Variants in PAG1 observed in about 807,000 individuals in gnomAD.
PAG1 encodes phosphoprotein membrane anchor with glycosphingolipid microdomains 1.
PAG1 carries 23 observed loss-of-function variants against 31.7 expected under a neutral mutation model. The ratio of observed to expected loss-of-function variants is 0.73; its 90% CI spans 0.52 to 1.03. PAG1 has a LOEUF of 1.03. Among genes scored for constraint, PAG1 ranks in the 50% least tolerant of loss-of-function variants. The probability of loss-of-function intolerance (pLI) is 0.00; values close to 1 mark genes in which losing one functional copy is unlikely to be tolerated. For synonymous variants in PAG1, 214 were observed against 210.3 expected, an observed-to-expected ratio of 1.02 and a Z score of -0.15; for missense variants, 473 against 540.7, an observed-to-expected ratio of 0.87 and a Z score of 1.24.
chr8:81,111,652 T>G lies in PAG1; in HGVS notation c.-295A>C, dbSNP rs1327825621. ...GCGCTCGGAGGCAGCCTCTGCAAAC[T>G]CCGGCGCGCAGCGCCGCCGCCCCGG... On this transcript the variant is annotated 5_prime_UTR_variant, in exon 1 of 9. Coordinates refer to ENST00000220597, the MANE Select transcript of PAG1 (RefSeq NM_018440.4). 4 of 151,766 alleles carry G rather than the reference T, an allele frequency of 2.6e-5. No homozygotes were observed. The highest frequency in any genetic ancestry group is 2.6e-4 in the Admixed American group (4 of 15,248). 9.4% of individuals were successfully genotyped at this position (151,766 alleles called of 1,614,324 possible). A position where few individuals can be genotyped will look rare whatever the true frequency, so the allele number is the denominator to read the frequency against.
intron 3 of PAG1, among the ~76,000 whole-genome samples, chr8:80,997,786 C>T (rs1807709953): frequency 6.6e-6 from 1 of 152,140 alleles, no homozygotes; most frequent in Non-Finnish European, 1.5e-5. Context: ...ATAAAATAGG[C>T]TTCATTATTG....
chr8:81,076,734 G>A (rs1809184510), intron 1 of PAG1, among the ~76,000 whole-genome samples: 1 of 152,124 alleles, frequency 6.6e-6, no homozygotes, highest in Non-Finnish European at 1.5e-5. Context: ...CCCATGCTAA[G>A]TACATACTTT....
rs1807100155 is a variant in PAG1 at position 80,972,614 on chromosome 8, T to C, written c.*3930A>G. 6.6e-6 allele frequency: 1 copy of C among 152,182 alleles called. No individual in the cohort carries two copies. Among genetic ancestry groups the C allele is most frequent in the African/African-American group, 2.4e-5 (1 of 41,438 alleles). 9.4% of individuals were successfully genotyped at this position (152,182 alleles called of 1,614,324 possible). A position where few individuals can be genotyped will look rare whatever the true frequency, so the allele number is the denominator to read the frequency against. ...TGCTTTGGGCCAAATCTCTTATCTC[T>C]TTACATTTCCTCCTCTCAGGCTGAG... On this transcript the variant is annotated 3_prime_UTR_variant, in exon 9 of 9. Coordinates refer to ENST00000220597, the MANE Select transcript of PAG1 (RefSeq NM_018440.4).
chr8:81,093,549 AC>A (rs1809480800), intron 1 of PAG1, among the ~76,000 whole-genome samples: 1 of 152,014 alleles, frequency 6.6e-6, no homozygotes, highest in African/African-American at 2.4e-5. Flanking sequence ...TTTCACTTAG[AC>A]ACAAATGTAG....
intron 3 of PAG1, among the ~76,000 whole-genome samples, chr8:81,027,676 C>A (rs933343065): frequency 5.3e-5 from 8 of 152,034 alleles, no homozygotes; most frequent in Admixed American, 1.3e-4. Flanking sequence ...GAGGCCGAGG[C>A]AGGCGGATCA....
chr8:81,098,396 T>A (rs1427308375), intron 1 of PAG1, among the ~76,000 whole-genome samples: 1 of 152,218 alleles, frequency 6.6e-6, no homozygotes, highest in Non-Finnish European at 1.5e-5. Flanking sequence ...CATGTCTTTA[T>A]CTTTCTTGAA....
chr8:81,071,273 A>G (rs760101024), intron 1 of PAG1, among the ~76,000 whole-genome samples: 4 of 152,196 alleles, frequency 2.6e-5, no homozygotes, highest in Non-Finnish European at 4.4e-5. Context: ...CCGCCTGAAT[A>G]TGAGTACCAA....
intron 2 of PAG1, among the ~76,000 whole-genome samples, chr8:81,032,868 G>A (rs7007923): frequency 0.64 from 96,565 of 152,046 alleles, 31,643 homozygotes; most frequent in Non-Finnish European, 0.72. Flanking sequence ...TATCCATACA[G>A]AAGAATAGTA....
At chr8:80,997,473 T>C (rs780121079) in intron 3 of PAG1, among the ~76,000 whole-genome samples, 1 of 152,192 alleles carries the variant, frequency 6.6e-6, no homozygotes, top group Non-Finnish European at 1.5e-5. Context: ...GGTCTTGCTA[T>C]GTTGCCAGGC....
chr8:81,069,940 A>G (rs1301030497), intron 2 of PAG1, among the ~76,000 whole-genome samples, 172 bp downstream of exon 2: 1 of 152,236 alleles, frequency 6.6e-6, no homozygotes, highest in Non-Finnish European at 1.5e-5. Flanking sequence ...CTAAATTCAA[A>G]TCAGACAAGC....
chr8:81,068,610 T>C (rs989915723), intron 2 of PAG1, among the ~76,000 whole-genome samples: 8 of 152,218 alleles, frequency 5.3e-5, no homozygotes, highest in African/African-American at 1.9e-4. Context: ...CTATCTTCTT[T>C]AGTGTCAGAG....
rs1427007508 is a variant in PAG1 at position 81,017,081 on chromosome 8, GC to G, written c.-81+12914del. ...CAAGACGAGAGGATTGCCCAGCTGA[GC>G]CCAGCCTAAACTATCAATCACAGAA... On this transcript the variant is annotated intron_variant, in intron 3 of 8. Coordinates refer to ENST00000220597, the MANE Select transcript of PAG1 (RefSeq NM_018440.4). 2.0e-5 allele frequency among the ~76,000 whole-genome samples: 3 copies of G among 152,114 alleles called. No individual in the cohort carries two copies. The South Asian group carries it at 6.2e-4, about 32-fold the overall frequency.
chr8:81,022,619 A>G (rs1808209632), intron 3 of PAG1, among the ~76,000 whole-genome samples: 1 of 152,218 alleles, frequency 6.6e-6, no homozygotes. Flanking sequence ...ATGCCCATAT[A>G]TTATTGGGAA....
intron 2 of PAG1, among the ~76,000 whole-genome samples, chr8:81,064,541 TA>T (rs1043892633): frequency 3.5e-4 from 53 of 152,220 alleles, no homozygotes; most frequent in African/African-American, 1.2e-3. Context: ...TGGAAGAATG[TA>T]AAAAAAGACC....
At chr8:80,998,338 C>T (rs2130562996) in intron 3 of PAG1, among the ~76,000 whole-genome samples, 1 of 152,118 alleles carries the variant, frequency 6.6e-6, no homozygotes, top group African/African-American at 2.4e-5. Flanking sequence ...CCATGTTGGC[C>T]AGGATGGTCT....
At chr8:81,086,351 A>T (rs961971523) in intron 1 of PAG1, among the ~76,000 whole-genome samples, 4 of 152,092 alleles carry the variant, frequency 2.6e-5, no homozygotes, top group African/African-American at 7.2e-5. Context: ...ATTTACTCTA[A>T]ATCAATTTAT....
intron 2 of PAG1, among the ~76,000 whole-genome samples, chr8:81,056,275 C>A (rs181467488): frequency 0.021 from 3,256 of 152,162 alleles, 111 homozygotes; most frequent in African/African-American, 0.068. Flanking sequence ...AATCCTAAGC[C>A]AAAAGAACAA....
intron 6 of PAG1, 47 bp downstream of exon 6, chr8:80,987,323 G>C: frequency 2.6e-6 from 3 of 1,153,896 alleles, no homozygotes; most frequent in Non-Finnish European, 3.9e-6. Context: ...AGGACTTCCA[G>C]AGGTGATGAG....
At chr8:81,107,237 GA>G (rs1809706976) in intron 1 of PAG1, among the ~76,000 whole-genome samples, 1 of 152,164 alleles carries the variant, frequency 6.6e-6, no homozygotes, top group Non-Finnish European at 1.5e-5. Flanking sequence ...AGATAATGGA[GA>G]TGATATTTCC....
Sources: gnomAD v4.1 joint callset for allele counts (sites outside exome capture counted in the v4.1 genomes callset) on GRCh38, gnomAD v4.1.1 for gene constraint, MANE v1.5 for transcripts, NCBI Gene and HGNC (gene_info 2026-07-23, HGNC 2026-07-21) for gene names.